Variants in MCUB observed in about 807,000 individuals in gnomAD.
The protein encoded by MCUB is calcium uniporter regulatory subunit MCUb, mitochondrial.
A neutral mutation model predicts 41.4 loss-of-function variants in MCUB; 46 were observed. The ratio of observed to expected loss-of-function variants is 1.11; its 90% CI spans 0.88 to 1.42. MCUB has a LOEUF of 1.42. Among genes scored for constraint, MCUB ranks in the 40% most tolerant of loss-of-function variants. The pLI, the probability that MCUB is intolerant of heterozygous loss-of-function variation, is 0.00. For missense variants in MCUB, 403 were observed against 404.9 expected, an observed-to-expected ratio of 1.00 and a Z score of 0.04; for synonymous variants, 148 against 148.2, an observed-to-expected ratio of 1.00 and a Z score of 0.01.
chr4:109,665,657 T>C (rs2126146089), intron 4 of MCUB, among the ~76,000 whole-genome samples: 2 of 152,312 alleles, frequency 1.3e-5, no homozygotes, highest in South Asian at 4.2e-4. Flanking sequence ...ATATTGTTTT[T>C]TCATTCATTT....
intron 1 of MCUB, among the ~76,000 whole-genome samples, chr4:109,600,137 T>A (rs913744779): frequency 6.6e-6 from 1 of 152,254 alleles, no homozygotes. Context: ...GTTGGAAATA[T>A]AGGTTTTTAA....
At chr4:109,657,408 T>G (rs1338542752) in intron 1 of MCUB, among the ~76,000 whole-genome samples, 1 of 151,076 alleles carries the variant, frequency 6.6e-6, no homozygotes, top group Non-Finnish European at 1.5e-5. Flanking sequence ...AGTGTCATCT[T>G]TATTTTTTGA....
intron 1 of MCUB, among the ~76,000 whole-genome samples, chr4:109,614,069 T>C (rs1022957096): frequency 6.6e-6 from 1 of 152,214 alleles, no homozygotes; most frequent in African/African-American, 2.4e-5. Flanking sequence ...GTTAGAGGAC[T>C]GTATTTGAAA....
chr4:109,662,627 T>C (rs918670135), intron 3 of MCUB, among the ~76,000 whole-genome samples: 1 of 152,194 alleles, frequency 6.6e-6, no homozygotes. Context: ...GTATCACTAG[T>C]GCTTAAAAAT....
Position 109,560,429 on chromosome 4 carries a change from C to A in MCUB, c.92C>A (p.Pro31Gln). ...GCGCGCCCGTGGCCGCTGCCGCCTC[C>A]GCCCCAGGTAAGAGCGGGTGCCGGG... ...RPARPWPLPPPPQVLRVKLCG... is the reference protein window; with the variant it reads ...RPARPWPLPPQPQVLRVKLCG... Residue 31 changes from proline to glutamine, a missense_variant, in exon 1 of 8, where the codon CCG becomes CAG. Coordinates refer to ENST00000394650, the MANE Select transcript of MCUB (RefSeq NM_017918.5). 3.1e-6 allele frequency: 4 copies of A among 1,289,686 alleles called. No individual in the cohort carries two copies. The highest frequency in any genetic ancestry group is 3.9e-6 in the Non-Finnish European group (4 of 1,018,470). 79.9% of individuals were successfully genotyped at this position (1,289,686 alleles called of 1,614,324 possible). A position where few individuals can be genotyped will look rare whatever the true frequency, so the allele number is the denominator to read the frequency against.
chr4:109,669,631 A>G (rs1445298704), intron 4 of MCUB, among the ~76,000 whole-genome samples: 1 of 148,982 alleles, frequency 6.7e-6, no homozygotes, highest in Non-Finnish European at 1.5e-5. Context: ...TTCTCCTTCT[A>G]GTATTCTCAT....
intron 1 of MCUB, among the ~76,000 whole-genome samples, chr4:109,572,360 G>A (rs1011589592): frequency 2.6e-5 from 4 of 152,192 alleles, no homozygotes; most frequent in African/African-American, 9.6e-5. Context: ...CTGACGATAT[G>A]GTTTTAGGGA....
chr4:109,588,715 A>G (rs1381158622), intron 1 of MCUB, among the ~76,000 whole-genome samples: 1 of 152,190 alleles, frequency 6.6e-6, no homozygotes, highest in African/African-American at 2.4e-5. Flanking sequence ...GATAATGAAT[A>G]TAAATAAGTC....
chr4:109,673,342 A>C (rs1407191111), intron 4 of MCUB, among the ~76,000 whole-genome samples: 1 of 152,170 alleles, frequency 6.6e-6, no homozygotes, highest in Non-Finnish European at 1.5e-5. Context: ...CCTTAGGTCT[A>C]AGTGGGATAA....
At chr4:109,627,980 A>T (rs1432922166) in intron 1 of MCUB, among the ~76,000 whole-genome samples, 1 of 151,864 alleles carries the variant, frequency 6.6e-6, no homozygotes, top group African/African-American at 2.4e-5. Context: ...CCAATAAAAA[A>T]GGGAACATAT....
intron 1 of MCUB, among the ~76,000 whole-genome samples, chr4:109,583,326 T>C (rs1269909001): frequency 6.6e-6 from 1 of 152,172 alleles, no homozygotes; most frequent in Non-Finnish European, 1.5e-5. Flanking sequence ...TTTGAAGCAA[T>C]TGTGAATGGG....
rs560117263 is a variant in MCUB, at chr4:109,603,344, G to T, written c.99+42908G>T. Among the ~76,000 whole-genome samples the T allele has an allele frequency of 1.4e-3, 218 of 152,352 alleles. 1 individual carries two copies. The highest frequency in any genetic ancestry group is 3.4e-3 in the Middle Eastern group (1 of 294). ...GCTCCTGACCTTGAGTGATCTGCCT[G>T]CCTCGGCCTCCCGAGGTGCCCGGAT... On this transcript the variant is annotated intron_variant, in intron 1 of 7. Coordinates refer to ENST00000394650, the MANE Select transcript of MCUB (RefSeq NM_017918.5).
At chr4:109,651,950 C>T (rs976393004) in intron 1 of MCUB, among the ~76,000 whole-genome samples, 7 of 152,168 alleles carry the variant, frequency 4.6e-5, no homozygotes, top group African/African-American at 1.4e-4. Flanking sequence ...AATTGCGCCT[C>T]CACTGTTTAG....
intron 5 of MCUB, among the ~76,000 whole-genome samples, chr4:109,683,830 A>G (rs185636073): frequency 1.0e-3 from 153 of 152,314 alleles, no homozygotes; most frequent in Middle Eastern, 6.8e-3. Flanking sequence ...GCTGAGTCAA[A>G]TAGGCCTCTA....
chr4:109,664,532 C>T, intron 4 of MCUB, 138 bp downstream of exon 4: 1 of 557,606 alleles, frequency 1.8e-6, no homozygotes, highest in Non-Finnish European at 3.2e-6. Flanking sequence ...TCAAACAATC[C>T]TCCCACCTCA....
intron 4 of MCUB, among the ~76,000 whole-genome samples, chr4:109,667,434 C>G (rs1216961601): frequency 6.6e-6 from 1 of 151,854 alleles, no homozygotes; most frequent in Non-Finnish European, 1.5e-5. Context: ...GTTAAATCCT[C>G]TCATTTCATT....
intron 4 of MCUB, among the ~76,000 whole-genome samples, chr4:109,678,207 G>A (rs2126150132): frequency 6.6e-6 from 1 of 152,124 alleles, no homozygotes. Context: ...AGTCTCCTAT[G>A]TCTACTTCTT....
At chr4:109,565,434 A>G (rs564020114) in intron 1 of MCUB, among the ~76,000 whole-genome samples, 128 of 152,308 alleles carry the variant, frequency 8.4e-4, no homozygotes, top group African/African-American at 3.0e-3. Context: ...ACTGACTACC[A>G]ATGTTTCATC....
intron 3 of MCUB, among the ~76,000 whole-genome samples, chr4:109,661,741 G>A (rs1729236092): frequency 6.6e-6 from 1 of 152,062 alleles, no homozygotes; most frequent in African/African-American, 2.4e-5. Context: ...GTAGAGGGAA[G>A]AGAGCTCTGG....
Sources: gnomAD v4.1 joint callset for allele counts (sites outside exome capture counted in the v4.1 genomes callset) on GRCh38, gnomAD v4.1.1 for gene constraint, MANE v1.5 for transcripts, NCBI Gene and HGNC (gene_info 2026-07-23, HGNC 2026-07-21) for gene names.